RFX3: variants seen among roughly 807,000 people sequenced by gnomAD.
RFX3 encodes the protein transcription factor RFX3.
A neutral mutation model predicts 98.6 loss-of-function variants in RFX3; 14 were observed. That is an observed-to-expected ratio of 0.14 (90% confidence interval 0.09 to 0.22). RFX3 has a LOEUF of 0.22. RFX3 is among the 10% of genes least tolerant of loss of function. The pLI is 1.00. For synonymous variants in RFX3, 383 were observed against 328.4 expected (o/e 1.17, Z -1.80); for missense variants, 639 against 926.9 (o/e 0.69, Z 4.03).
At chr9:3,479,438 G>T (rs897684168) in intron 1 of RFX3, among the ~76,000 whole-genome samples, 3 of 151,962 alleles carry the variant, frequency 2.0e-5, no homozygotes, top group Admixed American at 1.3e-4. Context: ...AAAATTTTTA[G>T]ATCACTGATT....
intron 1 of RFX3, among the ~76,000 whole-genome samples, chr9:3,467,405 A>G (rs1306120401): frequency 6.6e-6 from 1 of 150,992 alleles, no homozygotes; most frequent in African/African-American, 2.4e-5. Context: ...TTTGTCAGTC[A>G]TAAGTAAAAG....
intron 1 of RFX3, among the ~76,000 whole-genome samples, chr9:3,436,784 C>G (rs938762516): frequency 1.3e-5 from 2 of 151,900 alleles, no homozygotes; most frequent in Non-Finnish European, 2.9e-5. Context: ...GGATAGGAAA[C>G]GATCACACCC....
At chr9:3,235,311 A>G (rs189585008) in intron 15 of RFX3, among the ~76,000 whole-genome samples, 2 of 152,342 alleles carry the variant, frequency 1.3e-5, no homozygotes, top group Admixed American at 6.5e-5. Context: ...AGCGTGGGTC[A>G]TCAATGGAGA....
At chr9:3,318,385 G>A (rs1830877670) in intron 4 of RFX3, among the ~76,000 whole-genome samples, 1 of 152,194 alleles carries the variant, frequency 6.6e-6, no homozygotes, top group Non-Finnish European at 1.5e-5. Flanking sequence ...GGTGGAGGGA[G>A]CGGGGAGGGA....
At chr9:3,487,058 G>A (rs1239204375) in intron 1 of RFX3, among the ~76,000 whole-genome samples, 1 of 151,806 alleles carries the variant, frequency 6.6e-6, no homozygotes, top group Non-Finnish European at 1.5e-5. Context: ...CTCTCCCTGT[G>A]TTGCCCAGGC....
At position 3,383,730 on chromosome 9, in the gene RFX3, G is replaced by A. The variant is rs372011088; in HGVS notation, c.117+11742C>T. 1.8e-4 allele frequency among the ~76,000 whole-genome samples: 28 copies of A among 152,270 alleles called. No homozygotes were observed. In the South Asian group the frequency reaches 2.7e-3, roughly 15 times the overall value. ...GAGTCTTTTCAGAAATGGTTTGACTGATGTCAACACAAGTTTTGTTTTGTT... is the reference window on the plus strand; with the variant it reads ...GAGTCTTTTCAGAAATGGTTTGACTAATGTCAACACAAGTTTTGTTTTGTT... On this transcript the variant is annotated intron_variant, in intron 2 of 16. Coordinates refer to ENST00000617270, the MANE Select transcript of RFX3 (RefSeq NM_001282116.2).
intron 15 of RFX3, among the ~76,000 whole-genome samples, chr9:3,237,819 G>A (rs1166180827): frequency 6.6e-6 from 1 of 152,190 alleles, no homozygotes; most frequent in Non-Finnish European, 1.5e-5. Flanking sequence ...AGCACAGCAT[G>A]GGCGGAACAA....
At chr9:3,458,871 G>A (rs965516627) in intron 1 of RFX3, among the ~76,000 whole-genome samples, 2 of 152,174 alleles carry the variant, frequency 1.3e-5, no homozygotes, top group Admixed American at 6.5e-5. Context: ...AGAGCTGACA[G>A]GGAATAAGTA....
intron 1 of RFX3, among the ~76,000 whole-genome samples, chr9:3,409,564 A>T (rs994006129): frequency 6.6e-5 from 10 of 152,262 alleles, no homozygotes; most frequent in African/African-American, 2.4e-4. Flanking sequence ...CTTTGTATGT[A>T]GTTAATACAA....
At position 3,456,132 on chromosome 9, in the gene RFX3, G is replaced by A. The variant is rs191848301; in HGVS notation, c.-8-60536C>T. On this transcript the variant is annotated intron_variant, in intron 1 of 16. Coordinates refer to ENST00000617270, the MANE Select transcript of RFX3 (RefSeq NM_001282116.2). ...ATAGGGGTTTTACTCCCATTCACAA[G>A]GGAAGGAGCCCTCATGACCTTATGA... 3.6e-4 allele frequency among the ~76,000 whole-genome samples: 55 copies of A among 152,330 alleles called. 1 individual carries two copies. Among genetic ancestry groups the A allele is most frequent in the Non-Finnish European group, 1.6e-4 (11 of 68,032 alleles).
Position 3,351,748 on chromosome 9 carries a change from G to C in RFX3, c.118-4984C>G, listed in dbSNP as rs910921489. 2.0e-5 allele frequency among the ~76,000 whole-genome samples: 3 copies of C among 151,814 alleles called. No individual in the cohort carries two copies. In the East Asian group the frequency reaches 5.8e-4, roughly 29 times the overall value. Reference sequence around the variant, plus strand: ...ATAATCAGATAACTTCAAATGAAAAGAAAACTACTTTTTACTCTCTAGAAC... The same window carrying C: ...ATAATCAGATAACTTCAAATGAAAACAAAACTACTTTTTACTCTCTAGAAC... On this transcript the variant is annotated intron_variant, in intron 2 of 16. Coordinates refer to ENST00000617270, the MANE Select transcript of RFX3 (RefSeq NM_001282116.2).
chr9:3,261,865 C>T (rs140854420), intron 13 of RFX3, among the ~76,000 whole-genome samples: 107 of 152,170 alleles, frequency 7.0e-4, no homozygotes, highest in Non-Finnish European at 1.3e-3. Context: ...AATGGTACCT[C>T]GCTGTGGTTT....
At chr9:3,310,143 T>A (rs1829793441) in intron 4 of RFX3, among the ~76,000 whole-genome samples, 1 of 152,152 alleles carries the variant, frequency 6.6e-6, no homozygotes, top group African/African-American at 2.4e-5. Context: ...TAGGGGCAGT[T>A]GATAATGCCA....
At chr9:3,257,871 C>A (rs963996330) in intron 13 of RFX3, among the ~76,000 whole-genome samples, 1 of 152,040 alleles carries the variant, frequency 6.6e-6, no homozygotes, top group Admixed American at 6.6e-5. Context: ...GTGCTTCCTG[C>A]CAAAAAATGT....
At chr9:3,394,539 G>A (rs914584850) in intron 2 of RFX3, among the ~76,000 whole-genome samples, 5 of 152,136 alleles carry the variant, frequency 3.3e-5, no homozygotes, top group Non-Finnish European at 5.9e-5. Context: ...ACTTCTGTAC[G>A]ATTGCAGCAC....
chr9:3,273,807 G>GT lies in RFX3; in HGVS notation c.1086+1692dup, dbSNP rs1259791402. Among the ~76,000 whole-genome samples the GT allele has an allele frequency of 2.6e-5, 4 of 150,946 alleles. No homozygotes were observed. The East Asian group carries it at 7.8e-4, about 29-fold the overall frequency. ...TTGAACCCAGGAGGCGGTGGTTGCA[G>GT]TGAGCCGAGATCGCACTACTGCACT... is the stretch of plus-strand genomic sequence containing the variant. On this transcript the variant is annotated intron_variant, in intron 9 of 16. Coordinates refer to ENST00000617270, the MANE Select transcript of RFX3 (RefSeq NM_001282116.2).
chr9:3,266,306 C>T lies in RFX3; in HGVS notation c.1358-1G>A. ...TTTCGAATGGCTTGGGTCAAGGCAC[C>T]TAAACATTAAAGAATAAAAGCAGGA... On this transcript the variant is annotated splice_acceptor_variant, in intron 11 of 16. Transcript: ENST00000617270. LOFTEE classifies it high-confidence loss of function. 6.3e-7 allele frequency: 1 copy of T among 1,593,790 alleles called. No homozygotes were observed. Among genetic ancestry groups the T allele is most frequent in the Non-Finnish European group, 8.6e-7 (1 of 1,164,288 alleles).
At chr9:3,417,662 T>G (rs968036266) in intron 1 of RFX3, among the ~76,000 whole-genome samples, 3 of 152,090 alleles carry the variant, frequency 2.0e-5, no homozygotes, top group South Asian at 2.1e-4. Context: ...CTCAATAAAT[T>G]TGGGTGAAGA....
chr9:3,408,595 C>G (rs1372190255), intron 1 of RFX3, among the ~76,000 whole-genome samples: 1 of 148,184 alleles, frequency 6.7e-6, no homozygotes, highest in Non-Finnish European at 1.5e-5. Flanking sequence ...CTGTCTCTGT[C>G]TCTCTCTCTC....
Sources: gnomAD v4.1 joint callset for allele counts (sites outside exome capture counted in the v4.1 genomes callset) on GRCh38, gnomAD v4.1.1 for gene constraint, MANE v1.5 for transcripts, NCBI Gene and HGNC (gene_info 2026-07-23, HGNC 2026-07-21) for gene names.